CDH8: variants seen among roughly 807,000 people sequenced by gnomAD.
CDH8 encodes cadherin 8.
A neutral mutation model predicts 68.1 loss-of-function variants in CDH8; 17 were observed. The observed-to-expected ratio is 0.25, with a 90% CI of 0.17 to 0.37. The LOEUF is 0.37. CDH8 is among the 10% of genes least tolerant of loss of function. The pLI is 1.00. For missense variants in CDH8, 763 were observed against 999.3 expected (o/e 0.76, Z 3.19); for synonymous variants, 372 against 365.1 (o/e 1.02, Z -0.21).
intron 4 of CDH8, among the ~76,000 whole-genome samples, chr16:61,840,297 A>C (rs1416264432): frequency 6.6e-6 from 1 of 152,062 alleles, no homozygotes; most frequent in African/African-American, 2.4e-5. Flanking sequence ...ACCTCTCTTC[A>C]AATGTCAAAT....
intron 2 of CDH8, among the ~76,000 whole-genome samples, chr16:61,997,997 G>C (rs959911770): frequency 6.6e-6 from 1 of 152,036 alleles, no homozygotes; most frequent in African/African-American, 2.4e-5. Flanking sequence ...TAGAATAACT[G>C]ACAAAATTTT....
chr16:62,001,977 AGAGT>A (rs1965901011), intron 2 of CDH8, among the ~76,000 whole-genome samples: 1 of 152,160 alleles, frequency 6.6e-6, no homozygotes, highest in Non-Finnish European at 1.5e-5. Context: ...GGTTGTTTAA[AGAGT>A]GAGTAGCCCA....
chr16:61,930,305 A>ACC (rs199962573), intron 2 of CDH8, among the ~76,000 whole-genome samples: 52 of 150,832 alleles, frequency 3.4e-4, no homozygotes, highest in Admixed American at 2.7e-3. Flanking sequence ...ACACACACAC[A>ACC]CCCCTATGTA....
At chr16:61,668,524 T>C (rs1312080605) in intron 10 of CDH8, among the ~76,000 whole-genome samples, 1 of 152,084 alleles carries the variant, frequency 6.6e-6, no homozygotes, top group East Asian at 1.9e-4. Context: ...AAGTGAAAAC[T>C]ATTCCAATAA....
intron 2 of CDH8, among the ~76,000 whole-genome samples, chr16:61,977,068 G>A (rs1032412616): frequency 2.6e-5 from 4 of 152,102 alleles, no homozygotes; most frequent in African/African-American, 9.7e-5. Context: ...ACGGAATATA[G>A]GCACCATCTG....
At chr16:61,932,514 A>G (rs1480788882) in intron 2 of CDH8, among the ~76,000 whole-genome samples, 1 of 151,996 alleles carries the variant, frequency 6.6e-6, no homozygotes, top group African/African-American at 2.4e-5. Context: ...ATATTGTACC[A>G]CTCCCGTATA....
At chr16:61,985,362 G>A (rs1252363018) in intron 2 of CDH8, among the ~76,000 whole-genome samples, 1 of 152,144 alleles carries the variant, frequency 6.6e-6, no homozygotes, top group Non-Finnish European at 1.5e-5. Flanking sequence ...TACATGTCAA[G>A]TATTTAGCCA....
chr16:61,764,336 A>C (rs2142976080), intron 8 of CDH8, among the ~76,000 whole-genome samples: 1 of 152,252 alleles, frequency 6.6e-6, no homozygotes, highest in East Asian at 1.9e-4. Flanking sequence ...AGAAGGAGTT[A>C]GCTGAGAAAG....
chr16:61,647,667 C>T lies in CDH8; in HGVS notation c.*5941G>A. On this transcript the variant is annotated 3_prime_UTR_variant, in exon 12 of 12. Transcript: ENST00000577390. ...TAAATTGTCATGGTCCATCTTAGAG[C>T]ATAATTGTTAAAATTTTCCTCTTAT... The T allele has an allele frequency of 1.6e-6, 1 of 618,628 alleles. No homozygotes were observed. Among genetic ancestry groups the T allele is most frequent in the Non-Finnish European group, 2.9e-6 (1 of 347,864 alleles). 38.3% of individuals were successfully genotyped at this position (618,628 alleles called of 1,614,324 possible).
intron 5 of CDH8, among the ~76,000 whole-genome samples, chr16:61,824,528 T>C (rs947869664): frequency 6.6e-6 from 1 of 151,832 alleles, no homozygotes. Context: ...CAAGGCAGAG[T>C]ATGGCTTTAG....
intron 2 of CDH8, among the ~76,000 whole-genome samples, chr16:61,954,629 A>G (rs935158614): frequency 6.7e-6 from 1 of 148,824 alleles, no homozygotes; most frequent in Non-Finnish European, 1.5e-5. Flanking sequence ...GTGAACCCGG[A>G]GGCAGAGCTT....
intron 3 of CDH8, among the ~76,000 whole-genome samples, chr16:61,870,690 G>C (rs2143044281): frequency 6.6e-6 from 1 of 152,292 alleles, no homozygotes; most frequent in African/African-American, 2.4e-5. Context: ...CCAAGGTTAA[G>C]AGCATACCCA....
chr16:61,763,806 G>A (rs1960524258), intron 8 of CDH8, among the ~76,000 whole-genome samples: 1 of 152,048 alleles, frequency 6.6e-6, no homozygotes, highest in South Asian at 2.1e-4. Flanking sequence ...AAGCTGTTAG[G>A]GGATAGGTGA....
intron 2 of CDH8, chr16:61,940,222 A>T (rs893968164): frequency 9.2e-5 from 14 of 151,996 alleles, no homozygotes; most frequent in Non-Finnish European, 1.8e-4. Context: ...AATGCTGCAC[A>T]TCAACGTGAG....
At chr16:61,876,505 A>G (rs1963463794) in intron 3 of CDH8, among the ~76,000 whole-genome samples, 1 of 152,098 alleles carries the variant, frequency 6.6e-6, no homozygotes, top group Non-Finnish European at 1.5e-5. Flanking sequence ...ACCCCTGGAC[A>G]TTTGCTTGCA....
At chr16:61,966,885 T>C (rs1272211772) in intron 2 of CDH8, among the ~76,000 whole-genome samples, 1 of 151,860 alleles carries the variant, frequency 6.6e-6, no homozygotes, top group Non-Finnish European at 1.5e-5. Context: ...CCATGAAAAA[T>C]ATGAGAGGAT....
intron 2 of CDH8, among the ~76,000 whole-genome samples, chr16:61,955,394 A>G (rs1198119603): frequency 6.6e-6 from 1 of 152,210 alleles, no homozygotes; most frequent in African/African-American, 2.4e-5. Context: ...CTGTTTGTGT[A>G]CATCAATTCT....
At chr16:61,864,317 G>A (rs2143019957) in intron 3 of CDH8, among the ~76,000 whole-genome samples, 1 of 151,542 alleles carries the variant, frequency 6.6e-6, no homozygotes, top group South Asian at 2.1e-4. Flanking sequence ...TTGGTTGGTT[G>A]GTTGGTTGGT....
intron 2 of CDH8, 78 bp from the exon 3 acceptor site, chr16:61,901,551 T>A: frequency 9.8e-7 from 1 of 1,024,840 alleles, no homozygotes; most frequent in Non-Finnish European, 1.4e-6. Context: ...TTTTGAATAT[T>A]AAGTTGGTTC....
Sources: gnomAD v4.1 joint callset for allele counts (sites outside exome capture counted in the v4.1 genomes callset) on GRCh38, gnomAD v4.1.1 for gene constraint, MANE v1.5 for transcripts, NCBI Gene and HGNC (gene_info 2026-07-23, HGNC 2026-07-21) for gene names.